SLC16A7: variants seen among roughly 807,000 people sequenced by gnomAD.
SLC16A7 encodes the protein solute carrier family 16 member 7, also known as monocarboxylate transporter 2.
A neutral mutation model predicts 34.9 loss-of-function variants in SLC16A7; 33 were observed. The observed-to-expected ratio is 0.94, with a 90% confidence interval of 0.72 to 1.26. SLC16A7 has a LOEUF of 1.26. Among genes scored for constraint, SLC16A7 ranks in the 50% most tolerant of loss-of-function variants. SLC16A7 has a pLI of 0.00. For synonymous variants in SLC16A7, 201 were observed against 206.6 expected (o/e 0.97, Z 0.23); for missense variants, 573 against 578.1 (o/e 0.99, Z 0.09).
At chr12:59,680,706 T>G (rs1870679486) in intron 2 of SLC16A7, among the ~76,000 whole-genome samples, 1 of 152,334 alleles carries the variant, frequency 6.6e-6, no homozygotes, top group East Asian at 1.9e-4. Flanking sequence ...TCATGTTTTT[T>G]TTTTAGCCCT....
intron 3 of SLC16A7, among the ~76,000 whole-genome samples, chr12:59,726,371 T>G (rs1876232881): frequency 6.6e-6 from 1 of 152,112 alleles, no homozygotes; most frequent in South Asian, 2.1e-4. Flanking sequence ...AGTTGTAGAT[T>G]AGTGGAAATA....
chr12:59,698,059 TC>T (rs1032867752), intron 2 of SLC16A7, among the ~76,000 whole-genome samples: 3 of 151,746 alleles, frequency 2.0e-5, no homozygotes, highest in African/African-American at 7.2e-5. Flanking sequence ...TGTAGATGTT[TC>T]CAAATTATTC....
intron 4 of SLC16A7, among the ~76,000 whole-genome samples, chr12:59,772,531 C>T (rs770734107): frequency 2.7e-5 from 4 of 150,448 alleles, no homozygotes; most frequent in Non-Finnish European, 4.4e-5. Flanking sequence ...CTTTGATGCC[C>T]CCAAATTCAA....
chr12:59,648,310 A>T (rs1292176748), intron 1 of SLC16A7, among the ~76,000 whole-genome samples: 1 of 152,188 alleles, frequency 6.6e-6, no homozygotes, highest in African/African-American at 2.4e-5. Context: ...TGCATAGTCC[A>T]TTCCAAGTTT....
intron 1 of SLC16A7, among the ~76,000 whole-genome samples, chr12:59,616,024 A>C (rs1879433059): frequency 6.6e-6 from 1 of 152,224 alleles, no homozygotes; most frequent in African/African-American, 2.4e-5. Context: ...GATAATAGTC[A>C]TGGGAACCTA....
intron 3 of SLC16A7, among the ~76,000 whole-genome samples, chr12:59,728,480 A>G (rs1860297054): frequency 6.6e-6 from 1 of 152,366 alleles, no homozygotes; most frequent in African/African-American, 2.4e-5. Flanking sequence ...CTTTCAGATT[A>G]CTAACAAAAA....
chr12:59,727,170 A>T lies in SLC16A7; in HGVS notation c.217+22152A>T, dbSNP rs200631558. On this transcript the variant is annotated intron_variant, in intron 3 of 5. Coordinates refer to ENST00000547379, the MANE Select transcript of SLC16A7 (RefSeq NM_001270623.2). Reference sequence around the variant, plus strand: ...GATGGACATATATATATATATATATAATATATATATGTTGTATTTAGAAGG... The same window carrying T: ...GATGGACATATATATATATATATATTATATATATATGTTGTATTTAGAAGG... 1.1e-4 allele frequency among the ~76,000 whole-genome samples: 16 copies of T among 144,388 alleles called. No individual in the cohort carries two copies. The East Asian group carries it at 1.4e-3, about 13-fold the overall frequency. 94.7% of individuals were successfully genotyped at this position (144,388 alleles called of 152,430 possible).
At chr12:59,698,234 G>A (rs572054620) in intron 2 of SLC16A7, among the ~76,000 whole-genome samples, 2 of 151,666 alleles carry the variant, frequency 1.3e-5, no homozygotes, top group East Asian at 3.9e-4. Context: ...ATTAACTAGG[G>A]AAATATTGTT....
At chr12:59,614,107 G>A (rs1272037282) in intron 1 of SLC16A7, among the ~76,000 whole-genome samples, 1 of 150,486 alleles carries the variant, frequency 6.6e-6, no homozygotes, top group East Asian at 2.0e-4. Context: ...CTGGAGTGCA[G>A]TGGTGCGATC....
chr12:59,764,248 G>A (rs1242777334), intron 3 of SLC16A7, among the ~76,000 whole-genome samples: 1 of 152,144 alleles, frequency 6.6e-6, no homozygotes, highest in Non-Finnish European at 1.5e-5. Flanking sequence ...CTAATCCAGA[G>A]CAGGGCCCTA....
chr12:59,684,875 AG>A (rs1268219534), intron 2 of SLC16A7, among the ~76,000 whole-genome samples: 1 of 152,148 alleles, frequency 6.6e-6, no homozygotes, highest in Non-Finnish European at 1.5e-5. Context: ...ACAGGTCTTT[AG>A]GGGGAGGCAA....
intron 3 of SLC16A7, among the ~76,000 whole-genome samples, chr12:59,731,069 T>G (rs1327770124): frequency 6.6e-6 from 1 of 152,204 alleles, no homozygotes; most frequent in Non-Finnish European, 1.5e-5. Flanking sequence ...TTTTTTTTGG[T>G]CTGGTATAAT....
At position 59,723,550 on chromosome 12, in the gene SLC16A7, T is replaced by C. The variant is rs372931567; in HGVS notation, c.217+18532T>C. Among the ~76,000 whole-genome samples the C allele has an allele frequency of 1.3e-3, 192 of 152,050 alleles. 3 individuals are homozygous for C. In the South Asian group the frequency reaches 0.02, roughly 16 times the overall value. On this transcript the variant is annotated intron_variant, in intron 3 of 5. Transcript: ENST00000547379. ...CCTTAATGGTCAAGGGAATAATTGA[T>C]GAAAGGGAAAATGCAAGACTTTCTT...
At chr12:59,669,144 C>A (rs1161922451) in intron 2 of SLC16A7, among the ~76,000 whole-genome samples, 3 of 152,112 alleles carry the variant, frequency 2.0e-5, no homozygotes, top group Non-Finnish European at 4.4e-5. Flanking sequence ...GCCATGCTGA[C>A]AGGTTCATAA....
Position 59,780,372 on chromosome 12 carries a change from T to C in SLC16A7, c.*693T>C, listed in dbSNP as rs927383245. 5.9e-5 allele frequency: 9 copies of C among 152,062 alleles called. No individual in the cohort carries two copies. The highest frequency in any genetic ancestry group is 2.2e-4 in the African/African-American group (9 of 41,432). 9.4% of individuals were successfully genotyped at this position (152,062 alleles called of 1,614,324 possible). On this transcript the variant is annotated 3_prime_UTR_variant, in exon 6 of 6. Transcript: ENST00000547379. ...TCTGACTACTATAAAAATATTTGCA[T>C]ATATAAGTTTGACAAAGAAAAGAAA... is the stretch of plus-strand genomic sequence containing the variant.
intron 1 of SLC16A7, among the ~76,000 whole-genome samples, chr12:59,632,690 C>T (rs149020833): frequency 1.4e-3 from 206 of 152,118 alleles, no homozygotes; most frequent in Middle Eastern, 3.4e-3. Context: ...TGCCAAATAT[C>T]CTCTGAGGAA....
At chr12:59,680,631 T>C (rs1870672363) in intron 2 of SLC16A7, among the ~76,000 whole-genome samples, 1 of 152,200 alleles carries the variant, frequency 6.6e-6, no homozygotes, top group African/African-American at 2.4e-5. Flanking sequence ...TAGAATGCAA[T>C]CTATAATTAT....
chr12:59,708,898 A>T (rs1312735905), intron 3 of SLC16A7, among the ~76,000 whole-genome samples: 1 of 151,740 alleles, frequency 6.6e-6, no homozygotes, highest in African/African-American at 2.4e-5. Flanking sequence ...GAATAATGGC[A>T]TCACATTACA....
At chr12:59,698,323 A>G (rs921485122) in intron 2 of SLC16A7, among the ~76,000 whole-genome samples, 5 of 151,836 alleles carry the variant, frequency 3.3e-5, no homozygotes, top group Non-Finnish European at 5.9e-5. Flanking sequence ...CTGTACTTCT[A>G]TATAGCACAT....
Sources: gnomAD v4.1 joint callset for allele counts (sites outside exome capture counted in the v4.1 genomes callset) on GRCh38, gnomAD v4.1.1 for gene constraint, MANE v1.5 for transcripts, NCBI Gene and HGNC (gene_info 2026-07-23, HGNC 2026-07-21) for gene names.